FTO: variants seen among roughly 807,000 people sequenced by gnomAD.
FTO encodes the protein alpha-ketoglutarate-dependent dioxygenase FTO.
In FTO, 47 loss-of-function variants were observed where a neutral mutation model predicts 63.9. That is an observed-to-expected ratio of 0.74 (90% confidence interval 0.58 to 0.94). The LOEUF (loss-of-function observed/expected upper bound fraction) is 0.94. FTO is among the 40% of genes least tolerant of loss of function. The pLI is 0.00. For missense variants in FTO, 562 were observed against 618.1 expected (o/e 0.91, Z 0.96); for synonymous variants, 207 against 224.4 (o/e 0.92, Z 0.69).
At chr16:53,894,005 G>A (rs1413871314) in intron 7 of FTO, among the ~76,000 whole-genome samples, 1 of 152,158 alleles carries the variant, frequency 6.6e-6, no homozygotes. Context: ...AATTATGTTA[G>A]GTAAGCTATA....
At position 53,958,424 on chromosome 16, in the gene FTO, G is replaced by A. The variant is rs551581038; in HGVS notation, c.1364+24315G>A. The stretch of plus-strand genomic sequence containing the variant: ...CGGGCAGCCTGGGAAGCTGGCGGCC[G>A]GCTTTTACATTCTGCTTCAGGCTGC... On this transcript the variant is annotated intron_variant, in intron 8 of 8. Transcript: ENST00000471389. Among the ~76,000 whole-genome samples, 8 of 152,286 alleles carry A rather than the reference G, an allele frequency of 5.3e-5. No homozygotes were observed. In the East Asian group the frequency reaches 5.8e-4, roughly 11 times the overall value.
chr16:54,049,540 G>A (rs1450568065), intron 8 of FTO, among the ~76,000 whole-genome samples: 3 of 152,188 alleles, frequency 2.0e-5, no homozygotes, highest in Non-Finnish European at 4.4e-5. Flanking sequence ...GTGAGGGGGG[G>A]AAATGGCCAT....
At chr16:54,068,690 T>C (rs528210169) in intron 8 of FTO, among the ~76,000 whole-genome samples, 1 of 152,314 alleles carries the variant, frequency 6.6e-6, no homozygotes, top group Non-Finnish European at 1.5e-5. Context: ...TTTAATAATA[T>C]TGATTTTATC....
Position 53,788,583 on chromosome 16 carries a change from A to G in FTO, c.46-21557A>G, listed in dbSNP as rs530528718. On this transcript the variant is annotated intron_variant, in intron 1 of 8. Coordinates refer to ENST00000471389, the MANE Select transcript of FTO (RefSeq NM_001080432.3). ...AGGCCACTGCACTCCAGCCTGGGCG[A>G]CAGAGCTAGACTCTGTCTCAAAAAA... 1.0e-4 allele frequency among the ~76,000 whole-genome samples: 15 copies of G among 143,654 alleles called. No homozygotes were observed. In the East Asian group the frequency reaches 2.8e-3, roughly 27 times the overall value. The allele number at this position is 143,654 out of a possible 152,430, so 94.2% of individuals were successfully genotyped here.
At chr16:54,085,777 C>A (rs2086242951) in intron 8 of FTO, among the ~76,000 whole-genome samples, 1 of 152,064 alleles carries the variant, frequency 6.6e-6, no homozygotes, top group Admixed American at 6.6e-5. Flanking sequence ...ACCTACATAC[C>A]CTCCGACTCG....
chr16:53,988,887 G>A (rs552110031), intron 8 of FTO, among the ~76,000 whole-genome samples: 83 of 152,198 alleles, frequency 5.5e-4, no homozygotes, highest in Middle Eastern at 3.4e-3. Flanking sequence ...TGAATCAAAC[G>A]TCTTTGACCT....
intron 1 of FTO, among the ~76,000 whole-genome samples, chr16:53,796,309 G>T (rs1322575044): frequency 1.3e-5 from 2 of 152,124 alleles, no homozygotes; most frequent in African/African-American, 4.8e-5. Flanking sequence ...CTCCCAAAGT[G>T]CCGGGACTGT....
chr16:53,960,907 A>G (rs2083063703), intron 8 of FTO, among the ~76,000 whole-genome samples: 1 of 152,170 alleles, frequency 6.6e-6, no homozygotes, highest in Admixed American at 6.5e-5. Flanking sequence ...TTCTAAAGGA[A>G]ATATGATCAG....
intron 1 of FTO, among the ~76,000 whole-genome samples, chr16:53,743,030 A>G (rs1217276225): frequency 6.6e-6 from 1 of 152,188 alleles, no homozygotes; most frequent in Non-Finnish European, 1.5e-5. Flanking sequence ...GTTAGAGTGT[A>G]TAACTCTATC....
At chr16:53,911,017 C>G (rs552122999) in intron 7 of FTO, among the ~76,000 whole-genome samples, 4 of 152,318 alleles carry the variant, frequency 2.6e-5, no homozygotes, top group African/African-American at 9.6e-5. Context: ...TTTGAGCAGC[C>G]GGTATACCGA....
chr16:53,704,012 C>T (rs1268213234), upstream of FTO: 2 of 722,546 alleles, frequency 2.8e-6, no homozygotes, highest in Non-Finnish European at 4.9e-6. Flanking sequence ...TGCTAAATCC[C>T]GTGGCGCTCG....
Position 54,102,710 on chromosome 16 carries a change from G to A in FTO, c.1365-9052G>A, listed in dbSNP as rs571346900. Among the ~76,000 whole-genome samples the A allele has an allele frequency of 2.6e-5, 4 of 152,230 alleles. No homozygotes were observed. The East Asian group carries it at 7.7e-4, about 29-fold the overall frequency. Reference sequence around the variant, plus strand: ...TGTCTTTTGAGTTCCAAACAAATGTGGAGAACGTAAGACATTGACAGCAGC... The same window carrying A: ...TGTCTTTTGAGTTCCAAACAAATGTAGAGAACGTAAGACATTGACAGCAGC... On this transcript the variant is annotated intron_variant, in intron 8 of 8. Transcript: ENST00000471389.
intron 8 of FTO, among the ~76,000 whole-genome samples, chr16:54,025,492 G>T (rs1205213463): frequency 6.6e-6 from 1 of 151,180 alleles, no homozygotes; most frequent in Admixed American, 6.6e-5. Context: ...GGAGGCCAAG[G>T]GAGGAGGGTC....
intron 1 of FTO, among the ~76,000 whole-genome samples, chr16:53,713,434 T>C (rs1040885483): frequency 6.6e-6 from 1 of 152,208 alleles, no homozygotes; most frequent in Admixed American, 6.5e-5. Flanking sequence ...AAACACACCT[T>C]AGAGAAGGTG....
At chr16:53,816,165 A>G (rs1381398248) in intron 2 of FTO, among the ~76,000 whole-genome samples, 1 of 151,942 alleles carries the variant, frequency 6.6e-6, no homozygotes, top group Non-Finnish European at 1.5e-5. Flanking sequence ...TAAACACTAC[A>G]TGTTCTGTGA....
At chr16:53,729,967 G>T (rs1231991523) in intron 1 of FTO, among the ~76,000 whole-genome samples, 1 of 152,028 alleles carries the variant, frequency 6.6e-6, no homozygotes, top group Non-Finnish European at 1.5e-5. Flanking sequence ...TTCCTCTCTT[G>T]TAATTGCAAT....
At chr16:53,911,149 G>A in intron 7 of FTO, 1 of 517,206 alleles carries the variant, frequency 1.9e-6, no homozygotes, top group East Asian at 3.0e-5. Context: ...TCATGTGCCA[G>A]GCAGTGTTCT....
At chr16:53,773,611 CGTGATGGAT>C (rs1330194152) in intron 1 of FTO, among the ~76,000 whole-genome samples, 2 of 152,056 alleles carry the variant, frequency 1.3e-5, no homozygotes, top group East Asian at 3.9e-4. Context: ...TGTTTTTGTA[CGTGATGGAT>C]TGTACATTCT....
chr16:53,705,861 A>T (rs1421091), intron 1 of FTO, among the ~76,000 whole-genome samples: 24 of 152,160 alleles, frequency 1.6e-4, no homozygotes, highest in African/African-American at 5.5e-4. Flanking sequence ...ATTTGCCATA[A>T]GTTGGGATTA....
Sources: allele counts gnomAD v4.1 joint callset (sites outside exome capture counted in the v4.1 genomes callset), GRCh38; gene constraint gnomAD v4.1.1; transcripts MANE v1.5; gene names NCBI Gene and HGNC (gene_info 2026-07-23, HGNC 2026-07-21).